Variants in BOD1 observed in about 807,000 individuals in gnomAD.
The protein encoded by BOD1 is biorientation of chromosomes in cell division protein 1.
Under a neutral mutation model 15.7 loss-of-function variants are expected in BOD1, and 11 were observed. That is an observed-to-expected ratio of 0.70 (90% CI 0.44 to 1.16). The LOEUF is 1.16. Ranked by LOEUF, BOD1 falls within the 50% of genes most tolerant of loss-of-function variation. BOD1 has a pLI of 0.00. For missense variants in BOD1, 182 were observed against 244.5 expected (o/e 0.74, Z 1.70); for synonymous variants, 105 against 103.5 (o/e 1.01, Z -0.09).
chr5:173,613,060 G>T, intron 2 of BOD1, 71 bp downstream of exon 2: 1 of 1,522,216 alleles, frequency 6.6e-7, no homozygotes, highest in South Asian at 1.2e-5. Flanking sequence ...ACTAAACAGA[G>T]ACCTCAACCT....
chr5:173,607,994 T>A lies in BOD1; in HGVS notation c.*300A>T. The A allele has an allele frequency of 2.2e-6, 1 of 447,338 alleles. No homozygotes were observed. The highest frequency in any genetic ancestry group is 4.0e-6 in the Non-Finnish European group (1 of 248,356). 27.7% of individuals were successfully genotyped at this position (447,338 alleles called of 1,614,324 possible). A position where few individuals can be genotyped will look rare whatever the true frequency, so the allele number is the denominator to read the frequency against. ...TCCATGTGCAGTCTCCATGTTCAAG[T>A]ATAAAAGTCTGTTTCAGGACAACCC... On this transcript the variant is annotated 3_prime_UTR_variant, in exon 4 of 4. Coordinates refer to ENST00000311086, the MANE Select transcript of BOD1 (RefSeq NM_138369.3).
rs1270283780 is a variant in BOD1, at chr5:173,616,379, G to C, written c.58C>G (p.Gln20Glu). ...CCAGTCGCTGCCCCGGCAGAGGCCT[G>C]GCTAGTTCCGCCGCCGCCCACCGCG... ...TGAVGGGGTS[Q>E]ASAGAATGAT... is the part of the protein sequence containing the mutation. Residue 20 changes from glutamine (Q) to glutamate (E), a missense_variant, in exon 1 of 4, where the codon CAG becomes GAG. This residue lies in a region of BOD1 where 72 missense variants were observed against 68.9 expected (regional missense o/e 1.05). Coordinates refer to ENST00000311086, the MANE Select transcript of BOD1 (RefSeq NM_138369.3). 2 of 1,520,606 alleles carry C rather than the reference G, an allele frequency of 1.3e-6. No individual in the cohort carries two copies. The highest frequency in any genetic ancestry group is 8.8e-7 in the Non-Finnish European group (1 of 1,142,444). 94.2% of individuals were successfully genotyped at this position (1,520,606 alleles called of 1,614,324 possible).
chr5:173,611,142 G>A (rs1398433752), intron 2 of BOD1, among the ~76,000 whole-genome samples: 1 of 152,206 alleles, frequency 6.6e-6, no homozygotes, highest in African/African-American at 2.4e-5. Context: ...CACTTTCCTG[G>A]AGATTCTTAA....
chr5:173,613,309 G>T, intron 1 of BOD1, 54 bp from the exon 2 acceptor site: 1 of 1,603,714 alleles, frequency 6.2e-7, no homozygotes, highest in South Asian at 1.1e-5. Flanking sequence ...CCAAAGTTTT[G>T]AACTTAGTCT....
At chr5:173,616,075 T>G (rs773958968) in intron 1 of BOD1, 125 bp downstream of exon 1, 217 of 1,251,932 alleles carry the variant, frequency 1.7e-4, no homozygotes, top group Non-Finnish European at 2.3e-4. Flanking sequence ...CCAAGCGGTG[T>G]AAGACCTCAC....
chr5:173,615,165 G>A (rs1382842219), intron 1 of BOD1, among the ~76,000 whole-genome samples: 1 of 152,168 alleles, frequency 6.6e-6, no homozygotes, highest in Non-Finnish European at 1.5e-5. Flanking sequence ...TTTCATCTTG[G>A]AGAAGGAACA....
chr5:173,608,960 A>G (rs942430195), intron 3 of BOD1, among the ~76,000 whole-genome samples: 4 of 152,222 alleles, frequency 2.6e-5, no homozygotes, highest in Non-Finnish European at 2.9e-5. Flanking sequence ...TTTCATTTGA[A>G]TCCCCTTTAT....
In BOD1 at chr5:173,613,247, G is replaced by T; in HGVS notation, c.246C>A (p.Tyr82Ter). The T allele has an allele frequency of 6.4e-7, 1 of 1,574,542 alleles. No homozygotes were observed. Reference sequence around the variant, plus strand: ...TATCCACTTTCTGCCTCAGGTTTTGGTAAGCTGGCTAAAATGTTAAAAAGA... The same window carrying T: ...TATCCACTTTCTGCCTCAGGTTTTGTTAAGCTGGCTAAAATGTTAAAAAGA... Reference protein sequence around the residue: ...CLADVDTKPAYQNLRQKVDNF... With the variant: ...CLADVDTKPA The change falls in exon 2 of 4, where the codon TAC (tyrosine) becomes TAA (stop). Residue 82 changes from tyrosine to a stop codon, truncating the protein, a stop_gained. Coordinates refer to ENST00000311086, the MANE Select transcript of BOD1 (RefSeq NM_138369.3). LOFTEE classifies it high-confidence loss of function.
intron 1 of BOD1, chr5:173,614,946 T>C (rs538637971): frequency 2.0e-5 from 3 of 152,294 alleles, no homozygotes; most frequent in South Asian, 2.1e-4. Flanking sequence ...ACCGCAACAA[T>C]TGGGTAAATG....
At position 173,616,552 on chromosome 5, in the gene BOD1, A is replaced by G. The variant is rs2113347255; in HGVS notation, c.-116T>C. The stretch of plus-strand genomic sequence containing the variant: ...TGAAGGAGGAGGGCCCCAAGGCGGC[A>G]GCGGCGGAGGTGGCGATGGCGGCAG... On this transcript the variant is annotated 5_prime_UTR_variant, in exon 1 of 4. Coordinates refer to ENST00000311086, the MANE Select transcript of BOD1 (RefSeq NM_138369.3). 5.0e-6 allele frequency: 7 copies of G among 1,393,544 alleles called. No individual in the cohort carries two copies. Among genetic ancestry groups the G allele is most frequent in the Non-Finnish European group, 6.5e-6 (7 of 1,080,860 alleles). The allele number at this position is 1,393,544 out of a possible 1,614,324, so 86.3% of individuals were successfully genotyped here.
intron 3 of BOD1, 31 bp from the exon 4 acceptor site, chr5:173,608,323 T>A: frequency 7.8e-7 from 1 of 1,276,702 alleles, no homozygotes; most frequent in Non-Finnish European, 1.1e-6. Flanking sequence ...TATCAAAATG[T>A]TATTTATTGA....
At chr5:173,608,422 C>T in intron 3 of BOD1, 130 bp from the exon 4 acceptor site, 1 of 713,780 alleles carries the variant, frequency 1.4e-6, no homozygotes, top group Non-Finnish European at 2.3e-6. Flanking sequence ...CCATATTGGA[C>T]TCAAGGGCTT....
In BOD1 at chr5:173,616,381, C is replaced by T. The variant is rs780925841; in HGVS notation, c.56G>A (p.Ser19Asn). The change falls in exon 1 of 4, where the codon AGC becomes AAC. Residue 19 changes from serine to asparagine, a missense_variant. Transcript: ENST00000311086. ...AGTCGCTGCCCCGGCAGAGGCCTGG[C>T]TAGTTCCGCCGCCGCCCACCGCGCC... ...GTGAVGGGGT[S>N]QASAGAATGA... 2.6e-6 allele frequency: 4 copies of T among 1,520,808 alleles called. No individual in the cohort carries two copies. The highest frequency in any genetic ancestry group is 1.2e-5 in the South Asian group (1 of 83,018). The allele number at this position is 1,520,808 out of a possible 1,614,324, so 94.2% of individuals were successfully genotyped here. A position where few individuals can be genotyped will look rare whatever the true frequency, so the allele number is the denominator to read the frequency against.
chr5:173,616,404 G>C lies in BOD1; in HGVS notation c.33C>G (p.Gly11=). The C allele has an allele frequency of 6.5e-7, 1 of 1,531,906 alleles. No individual in the cohort carries two copies. 94.9% of individuals were successfully genotyped at this position (1,531,906 alleles called of 1,614,324 possible). The change falls in exon 1 of 4, where the codon GGC becomes GGG. Residue 11 remains glycine, a synonymous_variant. Coordinates refer to ENST00000311086, the MANE Select transcript of BOD1 (RefSeq NM_138369.3). ...GGCTAGTTCCGCCGCCGCCCACCGCGCCAGTTCCCCCGCCGCCGCCGCCGT... is the reference window on the plus strand; with the variant it reads ...GGCTAGTTCCGCCGCCGCCCACCGCCCCAGTTCCCCCGCCGCCGCCGCCGT... The part of the protein sequence containing the change: MADGGGGGGT[G]AVGGGGTSQA...
chr5:173,611,072 G>A (rs1055673291), intron 2 of BOD1, among the ~76,000 whole-genome samples: 15 of 152,152 alleles, frequency 9.9e-5, no homozygotes, highest in African/African-American at 3.4e-4. Context: ...CCTTGTTAAA[G>A]CATCCCCAAC....
chr5:173,615,194 C>T (rs1190624404), intron 1 of BOD1, among the ~76,000 whole-genome samples: 1 of 152,222 alleles, frequency 6.6e-6, no homozygotes, highest in Admixed American at 6.5e-5. Context: ...CACTTTCTCT[C>T]TCTACATCCG....
In BOD1 at chr5:173,613,136, C is replaced by G. The variant is rs771520785; in HGVS notation, c.357G>C (p.Val119=). 4 of 1,613,832 alleles carry G rather than the reference C, an allele frequency of 2.5e-6. No homozygotes were observed. The Admixed American group carries it at 6.7e-5, about 27-fold the overall frequency. ...NQLRNGLRQS[V]VQSGMLEAGV... is the part of the protein sequence containing the mutation. ...TTTAAATTCTGCTTACTTACTGAAC[C>G]ACACTCTGCCTCAGACCATTTCGCA... The change falls in exon 2 of 4, where the codon GTG becomes GTC. Residue 119 remains valine, a synonymous_variant. Transcript: ENST00000311086.
intron 2 of BOD1, chr5:173,609,794 A>T: frequency 4.9e-6 from 1 of 204,496 alleles, no homozygotes; most frequent in Non-Finnish European, 1.0e-5. Context: ...TGTCAAAGCC[A>T]GTAAGCCCCG....
intron 1 of BOD1, 60 bp from the exon 2 acceptor site, chr5:173,613,315 A>T: frequency 6.3e-7 from 1 of 1,592,268 alleles, no homozygotes; most frequent in Non-Finnish European, 8.6e-7. Flanking sequence ...TTTTGAACTT[A>T]GTCTCTCAGA....
Sources: gnomAD v4.1 joint callset for allele counts (sites outside exome capture counted in the v4.1 genomes callset) on GRCh38, gnomAD v4.1.1 for gene constraint, gnomAD v4.1.1 regional missense constraint, MANE v1.5 for transcripts, NCBI Gene and HGNC (gene_info 2026-07-23, HGNC 2026-07-21) for gene names.